Variants in NR3C2 observed in about 807,000 individuals in gnomAD.
The protein encoded by NR3C2 is mineralocorticoid receptor.
A neutral mutation model predicts 86.4 loss-of-function variants in NR3C2; 15 were observed. That is an observed-to-expected ratio of 0.17 (90% CI 0.12 to 0.27). The LOEUF (loss-of-function observed/expected upper bound fraction) is 0.27. Ranked by LOEUF, NR3C2 falls within the 10% of genes least tolerant of loss-of-function variation. The pLI, the probability that NR3C2 is intolerant of heterozygous loss-of-function variation, is 1.00. For synonymous variants in NR3C2, 458 were observed against 450.5 expected, an observed-to-expected ratio of 1.02 and a Z score of -0.21; for missense variants, 960 against 1,195.6, an observed-to-expected ratio of 0.80 and a Z score of 2.91.
At chr4:148,243,023 G>GT (rs528509376) in intron 3 of NR3C2, among the ~76,000 whole-genome samples, 28,231 of 140,448 alleles carry the variant, frequency 0.2, 2,684 homozygotes, top group Admixed American at 0.28. Flanking sequence ...TACTTTTCAG[G>GT]TTTTTTTTTT....
rs1749147024 is a variant in NR3C2, at chr4:148,419,094, CCTTTTTTTTTTT to C, written c.1757+15998_1757+16009del. Among the ~76,000 whole-genome samples, 3 of 122,774 alleles carry C rather than the reference CCTTTTTTTTTTT, an allele frequency of 2.4e-5. No homozygotes were observed. The Admixed American group carries it at 2.9e-4, about 12-fold the overall frequency. 80.5% of individuals were successfully genotyped at this position (122,774 alleles called of 152,430 possible). On this transcript the variant is annotated intron_variant, in intron 2 of 8. Coordinates refer to ENST00000358102, the MANE Select transcript of NR3C2 (RefSeq NM_000901.5). ...CATTCTCTATTTCACGGTTGTTTTT[CCTTTTTTTTTTT>C]CTTTTTGTCTGGCTAGCCATCTTGC...
chr4:148,414,437 T>C (rs1189751573), intron 2 of NR3C2, among the ~76,000 whole-genome samples: 3 of 152,164 alleles, frequency 2.0e-5, no homozygotes, highest in African/African-American at 4.8e-5. Context: ...ACTATAATTT[T>C]GCTTTTGTTA....
chr4:148,285,441 G>C (rs1274989474), intron 2 of NR3C2, among the ~76,000 whole-genome samples: 1 of 152,186 alleles, frequency 6.6e-6, no homozygotes, highest in African/African-American at 2.4e-5. Flanking sequence ...GGACGTGGTG[G>C]CTCTTGCCTG....
intron 2 of NR3C2, among the ~76,000 whole-genome samples, chr4:148,399,923 C>T (rs949557588): frequency 6.6e-6 from 1 of 152,204 alleles, no homozygotes; most frequent in Admixed American, 6.5e-5. Context: ...AAACCATAAA[C>T]TTTTCTACTT....
At chr4:148,273,659 G>C (rs538656343) in intron 2 of NR3C2, among the ~76,000 whole-genome samples, 19 of 152,278 alleles carry the variant, frequency 1.2e-4, no homozygotes, top group African/African-American at 4.3e-4. Context: ...AGGGAACTTA[G>C]AAGAGCCAAC....
At chr4:148,433,232 A>G (rs1261012171) in intron 2 of NR3C2, among the ~76,000 whole-genome samples, 1 of 152,178 alleles carries the variant, frequency 6.6e-6, no homozygotes, top group African/African-American at 2.4e-5. Flanking sequence ...ATAAGAGACA[A>G]TCATTTGAGC....
At chr4:148,228,744 T>C (rs923951145) in intron 3 of NR3C2, among the ~76,000 whole-genome samples, 3 of 152,192 alleles carry the variant, frequency 2.0e-5, no homozygotes, top group Admixed American at 6.5e-5. Context: ...TCAAAAGAAC[T>C]ACTGAAATTT....
chr4:148,435,445 A>C lies in NR3C2; in HGVS notation c.1416T>G (p.Ile472Met). The change falls in exon 2 of 9, where the codon ATT (isoleucine) becomes ATG (methionine). Residue 472 changes from isoleucine to methionine, a missense_variant. Coordinates refer to ENST00000358102, the MANE Select transcript of NR3C2 (RefSeq NM_000901.5). ...DDKDYYSLSG[I>M]LGPPVPGFDG... ...CAAAGCCGGGCACAGGTGGTCCTAA[A>C]ATTCCTGATAGGGAATAATAGTCTT... The C allele has an allele frequency of 6.2e-7, 1 of 1,614,172 alleles. No individual in the cohort carries two copies. Among genetic ancestry groups the C allele is most frequent in the Non-Finnish European group, 8.5e-7 (1 of 1,180,032 alleles).
In NR3C2 at chr4:148,183,308, A is replaced by T. The variant is rs571852178; in HGVS notation, c.2014+11438T>A. Among the ~76,000 whole-genome samples the T allele has an allele frequency of 6.6e-5, 10 of 152,344 alleles. No individual in the cohort carries two copies. In the East Asian group the frequency reaches 1.9e-3, roughly 29 times the overall value. On this transcript the variant is annotated intron_variant, in intron 4 of 8. Coordinates refer to ENST00000358102, the MANE Select transcript of NR3C2 (RefSeq NM_000901.5). ...TGTGTGCATGCGCCTTTAAAGTAGCATGATTTATAATCCTTTGAGTATATA... is the reference window on the plus strand; with the variant it reads ...TGTGTGCATGCGCCTTTAAAGTAGCTTGATTTATAATCCTTTGAGTATATA...
Position 148,344,028 on chromosome 4 carries a change from G to A in NR3C2, c.1758-83911C>T, listed in dbSNP as rs182546660. Among the ~76,000 whole-genome samples, 20 of 152,180 alleles carry A rather than the reference G, an allele frequency of 1.3e-4. No individual in the cohort carries two copies. The East Asian group carries it at 1.7e-3, about 13-fold the overall frequency. Reference sequence around the variant, plus strand: ...AATTAATTGCTAAATGGCAACTACCGCATAAGCTATATCTAGAGGAAGGGG... The same window carrying A: ...AATTAATTGCTAAATGGCAACTACCACATAAGCTATATCTAGAGGAAGGGG... On this transcript the variant is annotated intron_variant, in intron 2 of 8. Transcript: ENST00000358102.
At chr4:148,429,394 A>G (rs2126635059) in intron 2 of NR3C2, among the ~76,000 whole-genome samples, 1 of 152,120 alleles carries the variant, frequency 6.6e-6, no homozygotes, top group East Asian at 1.9e-4. Context: ...ATTATCTCAT[A>G]CTCCCTCCCT....
At chr4:148,149,391 C>T (rs996228443) in intron 6 of NR3C2, among the ~76,000 whole-genome samples, 5 of 151,882 alleles carry the variant, frequency 3.3e-5, no homozygotes, top group African/African-American at 1.2e-4. Context: ...CCTTTAAGTA[C>T]ATTATTCCCA....
chr4:148,423,865 C>A (rs556425856), intron 2 of NR3C2, among the ~76,000 whole-genome samples: 2 of 152,162 alleles, frequency 1.3e-5, no homozygotes, highest in Admixed American at 6.5e-5. Context: ...CACGCCACTA[C>A]GCCTGGCTAA....
At chr4:148,279,914 G>A (rs750777731) in intron 2 of NR3C2, among the ~76,000 whole-genome samples, 13 of 151,872 alleles carry the variant, frequency 8.6e-5, no homozygotes, top group Admixed American at 5.2e-4. Flanking sequence ...TAGTAGAGAC[G>A]GGGTTTCACC....
At chr4:148,259,477 T>A (rs1197026966) in intron 3 of NR3C2, among the ~76,000 whole-genome samples, 1 of 152,038 alleles carries the variant, frequency 6.6e-6, no homozygotes, top group Non-Finnish European at 1.5e-5. Flanking sequence ...TCAGGAGGAA[T>A]AAAGGTGAGA....
chr4:148,307,460 T>A (rs1489326010), intron 2 of NR3C2, among the ~76,000 whole-genome samples: 1 of 152,172 alleles, frequency 6.6e-6, no homozygotes, highest in Non-Finnish European at 1.5e-5. Context: ...GTAGGCTCCA[T>A]CTGACAAAAG....
At chr4:148,376,189 C>T (rs1298194397) in intron 2 of NR3C2, among the ~76,000 whole-genome samples, 1 of 144,288 alleles carries the variant, frequency 6.9e-6, no homozygotes, top group Non-Finnish European at 1.5e-5. Flanking sequence ...ATTTTAACCA[C>T]AACAACTGTT....
intron 6 of NR3C2, among the ~76,000 whole-genome samples, chr4:148,136,068 A>AAAC (rs1553988822): frequency 2.1e-5 from 2 of 96,186 alleles, no homozygotes; most frequent in African/African-American, 3.5e-5. Flanking sequence ...AAAAAAAAAA[A>AAAC]AAAAAAAACA....
At chr4:148,374,375 G>A (rs1396714718) in intron 2 of NR3C2, among the ~76,000 whole-genome samples, 2 of 152,074 alleles carry the variant, frequency 1.3e-5, no homozygotes, top group Non-Finnish European at 2.9e-5. Context: ...CAACTTCTAA[G>A]AAGGCCTAGT....
Sources: gnomAD v4.1 joint callset for allele counts (sites outside exome capture counted in the v4.1 genomes callset) on GRCh38, gnomAD v4.1.1 for gene constraint, MANE v1.5 for transcripts, NCBI Gene and HGNC (gene_info 2026-07-23, HGNC 2026-07-21) for gene names.